Variants in MGAT5B observed in about 807,000 individuals in gnomAD.
The protein encoded by MGAT5B is alpha-1,6-mannosylglycoprotein 6-beta-N-acetylglucosaminyltransferase B, also known as N-acetylglucosaminyl-transferase Vb.
MGAT5B carries 54 observed loss-of-function variants against 95.1 expected under a neutral mutation model. The ratio of observed to expected loss-of-function variants is 0.57; its 90% CI spans 0.46 to 0.71. The LOEUF is 0.71. MGAT5B is among the 30% of genes least tolerant of loss of function. The probability of loss-of-function intolerance (pLI) is 0.00; values close to 1 mark genes in which losing one functional copy is unlikely to be tolerated. For missense variants in MGAT5B, 935 were observed against 1,088.6 expected, an observed-to-expected ratio of 0.86 and a Z score of 1.99; for synonymous variants, 464 against 451.0, an observed-to-expected ratio of 1.03 and a Z score of -0.36.
chr17:76,938,099 C>T lies in MGAT5B; in HGVS notation c.1540C>T (p.Leu514Phe). The T allele has an allele frequency of 1.2e-6, 2 of 1,614,262 alleles. No homozygotes were observed. The highest frequency in any genetic ancestry group is 2.2e-5 in the South Asian group (2 of 91,092). ...GCCAGCCTTTGTGAAGAACCACGGC[C>T]TCTTACCGCAGCCTGAGTTTCAGCA... ...EVPAFVKNHG[L>F]LPQPEFQQLL... Residue 514 changes from leucine to phenylalanine, a missense_variant, in exon 13 of 18, where the codon CTC (leucine) becomes TTC (phenylalanine). By Grantham distance (22) the Leu-to-Phe change is conservative. Transcript: ENST00000569840. The surrounding 1 kb of genome is among the most constrained non-coding windows in gnomAD (Gnocchi z 4.3).
Position 76,905,463 on chromosome 17 carries a change from T to A in MGAT5B, c.855+130T>A. 1 of 843,100 alleles carries A rather than the reference T, an allele frequency of 1.2e-6. No individual in the cohort carries two copies. The highest frequency in any genetic ancestry group is 1.8e-6 in the Non-Finnish European group (1 of 570,084). 52.2% of individuals were successfully genotyped at this position (843,100 alleles called of 1,614,324 possible). ...GAATTTGATCAGAGGGAGAGAGGGG[T>A]AGGGATGGCAGAGTCGGGATAGATG... On this transcript the variant is annotated intron_variant, in intron 7 of 17. Transcript: ENST00000569840. This position sits in a 1 kb window ranked among gnomAD's most constrained non-coding sequence, Gnocchi z 4.2.
chr17:76,928,795 C>T lies in MGAT5B; in HGVS notation c.1291+2065C>T, dbSNP rs140292862. ...AGAGGAGCATGGAGGATCAGGGCAC[C>T]GAGGAGTGGGGTGTTTTAGCCAAGG... On this transcript the variant is annotated intron_variant, in intron 10 of 17. Transcript: ENST00000569840. Among the ~76,000 whole-genome samples, 315 of 152,016 alleles carry T rather than the reference C, an allele frequency of 2.1e-3. 1 individual carries two copies. Among genetic ancestry groups the T allele is most frequent in the African/African-American group, 7.4e-3 (307 of 41,448 alleles).
chr17:76,884,212 A>C (rs1967537792), intron 3 of MGAT5B, among the ~76,000 whole-genome samples: 1 of 152,186 alleles, frequency 6.6e-6, no homozygotes, highest in Non-Finnish European at 1.5e-5. Flanking sequence ...TTACTCTCCC[A>C]GAGGAGGAAG....
intron 6 of MGAT5B, among the ~76,000 whole-genome samples, chr17:76,904,650 C>T (rs1968453889): frequency 6.6e-6 from 1 of 152,186 alleles, no homozygotes; most frequent in Non-Finnish European, 1.5e-5. Flanking sequence ...AGGTGGGGGG[C>T]CTGGAGATGC....
chr17:76,887,773 T>C (rs1967715058), intron 3 of MGAT5B, among the ~76,000 whole-genome samples: 1 of 151,608 alleles, frequency 6.6e-6, no homozygotes, highest in African/African-American at 2.4e-5. Context: ...CCCAGGCTGG[T>C]CTCGAACTCC....
At chr17:76,901,206 G>A (rs1421610868) in intron 3 of MGAT5B, among the ~76,000 whole-genome samples, 2 of 152,154 alleles carry the variant, frequency 1.3e-5, no homozygotes. Flanking sequence ...CTAGTGGACA[G>A]CTCACTAGGC....
chr17:76,905,923 T>C lies in MGAT5B; in HGVS notation c.856-95T>C, dbSNP rs1368698297. 1.5e-6 allele frequency: 2 copies of C among 1,360,636 alleles called. No homozygotes were observed. Among genetic ancestry groups the C allele is most frequent in the African/African-American group, 3.0e-5 (2 of 66,466 alleles). 84.3% of individuals were successfully genotyped at this position (1,360,636 alleles called of 1,614,324 possible). ...GCTGGGGCCCAGCCTGGAGACAGGG[T>C]CTGCTGCCGGCTGGTCTCCTGGCCG... On this transcript the variant is annotated intron_variant, in intron 7 of 17. Transcript: ENST00000569840. The surrounding 1 kb of genome is among the most constrained non-coding windows in gnomAD (Gnocchi z 4.2).
In MGAT5B at chr17:76,904,387, G is replaced by T; in HGVS notation, c.655G>T (p.Ala219Ser). 1.3e-6 allele frequency: 2 copies of T among 1,569,002 alleles called. No individual in the cohort carries two copies. The highest frequency in any genetic ancestry group is 2.3e-5 in the South Asian group (2 of 85,448). ...PPLPWRNQTA[A>S]QRAPKPLPKV... Reference sequence around the variant, plus strand: ...GCTGCCCTGGAGGAACCAGACGGCTGCCCAGAGGGCACCCAAGCCCCTCCC... The same window carrying T: ...GCTGCCCTGGAGGAACCAGACGGCTTCCCAGAGGGCACCCAAGCCCCTCCC... The change falls in exon 6 of 18, where the codon GCC becomes TCC. Residue 219 changes from alanine to serine, a missense_variant. Around this residue, in one of 4 missense-constraint regions of MGAT5B, gnomAD observed 243 missense variants for 305.5 expected, o/e 0.80. Transcript: ENST00000569840.
intron 8 of MGAT5B, among the ~76,000 whole-genome samples, chr17:76,911,699 T>C (rs1187254660): frequency 6.6e-6 from 1 of 152,204 alleles, no homozygotes; most frequent in Non-Finnish European, 1.5e-5. Context: ...CCCAGGCACA[T>C]TCCCTGCTGG....
intron 13 of MGAT5B, among the ~76,000 whole-genome samples, chr17:76,939,770 G>A (rs1352858099): frequency 1.3e-5 from 2 of 152,122 alleles, no homozygotes; most frequent in Non-Finnish European, 1.5e-5. Context: ...GAGAATATGC[G>A]GTATTTGGTT....
In MGAT5B at chr17:76,915,325, C is replaced by T. The variant is rs73996568; in HGVS notation, c.1025+9138C>T. Among the ~76,000 whole-genome samples, 1,193 of 89,326 alleles carry T rather than the reference C, an allele frequency of 0.013. 12 individuals carry two copies. The highest frequency in any genetic ancestry group is 0.045 in the African/African-American group (1,058 of 23,276). The allele number at this position is 89,326 out of a possible 152,430, so 58.6% of individuals were successfully genotyped here. ...AGACCAGGGTATACTGTAAATGCAG[C>T]GGGGTGGGGGGCCTGGGCTGGGGGC... On this transcript the variant is annotated intron_variant, in intron 8 of 17. Coordinates refer to ENST00000569840, the MANE Select transcript of MGAT5B (RefSeq NM_001199172.2). This position sits in a 1 kb window ranked among gnomAD's most constrained non-coding sequence, Gnocchi z 8.7.
At chr17:76,879,501 C>T (rs554137808) in intron 2 of MGAT5B, among the ~76,000 whole-genome samples, 2 of 152,322 alleles carry the variant, frequency 1.3e-5, no homozygotes, top group South Asian at 2.1e-4. Context: ...TACTCCAGCC[C>T]GAGCTATGAG....
rs1968138331 is a variant in MGAT5B, at chr17:76,897,721, CTTTCTTTTTCTT to C, written c.330-4830_330-4819del. 9.1e-4 allele frequency among the ~76,000 whole-genome samples: 71 copies of C among 78,068 alleles called. No individual in the cohort carries two copies. In the East Asian group the frequency reaches 0.015, roughly 16 times the overall value. 51.2% of individuals were successfully genotyped at this position (78,068 alleles called of 152,430 possible). A position where few individuals can be genotyped will look rare whatever the true frequency, so the allele number is the denominator to read the frequency against. ...TCTTTCTTTCTTTCTTTCTTTCTTT[CTTTCTTTTTCTT>C]TTTTTTTTTTTTTTTTGGTTTATTA... is the stretch of plus-strand genomic sequence containing the variant. On this transcript the variant is annotated intron_variant, in intron 3 of 17. Transcript: ENST00000569840.
At chr17:76,910,020 C>T (rs1968674113) in intron 8 of MGAT5B, among the ~76,000 whole-genome samples, 1 of 152,248 alleles carries the variant, frequency 6.6e-6, no homozygotes, top group African/African-American at 2.4e-5. Context: ...CGGGGGCGGG[C>T]TCTGGGGGAG....
intron 8 of MGAT5B, among the ~76,000 whole-genome samples, chr17:76,910,549 C>T (rs1968697150): frequency 6.6e-6 from 1 of 152,248 alleles, no homozygotes; most frequent in South Asian, 2.1e-4. Flanking sequence ...CTTGAATATG[C>T]ACACACTCCA....
rs1394814949 is a variant in MGAT5B, at chr17:76,872,943, C to G, written c.161C>G (p.Pro54Arg). 1 of 1,614,054 alleles carries G rather than the reference C, an allele frequency of 6.2e-7. No individual in the cohort carries two copies. Among genetic ancestry groups the G allele is most frequent in the South Asian group, 1.1e-5 (1 of 91,078 alleles). ...QFSARRLGDS[P>R]FTIRTEVMGG... Reference sequence around the variant, plus strand: ...TCGGCCCGGCGCCTGGGGGACTCGCCATTCACCATCCGCACAGAAGGTACC... The same window carrying G: ...TCGGCCCGGCGCCTGGGGGACTCGCGATTCACCATCCGCACAGAAGGTACC... The change falls in exon 2 of 18, where the codon CCA (proline) becomes CGA (arginine). Residue 54 changes from proline (P) to arginine (R), a missense_variant. By Grantham distance (103) the Pro-to-Arg change is moderately radical (BLOSUM62 -2). Coordinates refer to ENST00000569840, the MANE Select transcript of MGAT5B (RefSeq NM_001199172.2).
intron 10 of MGAT5B, among the ~76,000 whole-genome samples, chr17:76,932,413 C>T (rs1028460402): frequency 3.9e-5 from 6 of 152,060 alleles, no homozygotes; most frequent in Admixed American, 6.6e-5. Context: ...GGATTATAGG[C>T]GTGAGTCACC....
chr17:76,902,641 T>C lies in MGAT5B; in HGVS notation c.416T>C (p.Leu139Pro). 1 of 1,581,036 alleles carries C rather than the reference T, an allele frequency of 6.3e-7. No individual in the cohort carries two copies. Among genetic ancestry groups the C allele is most frequent in the Non-Finnish European group, 8.6e-7 (1 of 1,161,748 alleles). Residue 139 changes from leucine to proline, a missense_variant, in exon 4 of 18, where the codon CTG becomes CCG. Around this residue, in one of 4 missense-constraint regions of MGAT5B, gnomAD observed 243 missense variants for 228.2 expected, o/e 1.06. Coordinates refer to ENST00000569840, the MANE Select transcript of MGAT5B (RefSeq NM_001199172.2). The part of the protein sequence containing the change: ...SDIAVKVDQI[L>P]RHSLLLHSKV... ...ATCGCTGTGAAGGTGGACCAGATCC[T>C]GCGCCACAGTCTGCTCCTGCACAGC... is the stretch of plus-strand genomic sequence containing the variant.
At chr17:76,911,939 T>A (rs892288478) in intron 8 of MGAT5B, among the ~76,000 whole-genome samples, 7 of 152,198 alleles carry the variant, frequency 4.6e-5, no homozygotes, top group Non-Finnish European at 1.0e-4. Context: ...CTCCTGAGGC[T>A]GCAAGGGAGT....
Sources: gnomAD v4.1 joint callset for allele counts (sites outside exome capture counted in the v4.1 genomes callset) on GRCh38, gnomAD v4.1.1 for gene constraint, gnomAD v4.1.1 regional missense constraint, Gnocchi (gnomAD v3.1) non-coding constraint, MANE v1.5 for transcripts, NCBI Gene and HGNC (gene_info 2026-07-23, HGNC 2026-07-21) for gene names.